The following ZNF536 variants were observed in gnomAD, a reference collection of about 807,000 sequenced individuals.
The protein encoded by ZNF536 is zinc finger protein 536.
Under a neutral mutation model 84.5 loss-of-function variants are expected in ZNF536, and 13 were observed. That is an observed-to-expected ratio of 0.15 (90% CI 0.10 to 0.24). The LOEUF is 0.24. ZNF536 is among the 10% of genes least tolerant of loss of function. The pLI is 1.00. For missense variants in ZNF536, 1,536 were observed against 1,747.5 expected (o/e 0.88, Z 2.16); for synonymous variants, 811 against 742.5 (o/e 1.09, Z -1.50).
intron 1 of ZNF536, among the ~76,000 whole-genome samples, chr19:30,582,375 C>CT (rs35509271): frequency 0.26 from 23,375 of 88,980 alleles, 4,455 homozygotes; most frequent in Non-Finnish European, 0.33. Flanking sequence ...CCTAGTTTCT[C>CT]TTTTTTTTTT....
chr19:30,408,072 T>C (rs566510920), intron 1 of ZNF536, among the ~76,000 whole-genome samples: 28 of 152,272 alleles, frequency 1.8e-4, no homozygotes, highest in Non-Finnish European at 3.8e-4. Context: ...GCATATACTT[T>C]TGGATTGGAG....
chr19:30,435,654 C>T (rs192849111), intron 1 of ZNF536, among the ~76,000 whole-genome samples: 1 of 152,176 alleles, frequency 6.6e-6, no homozygotes, highest in East Asian at 1.9e-4. Flanking sequence ...AATGAGAGGA[C>T]AGTCCATAGT....
intron 2 of ZNF536, among the ~76,000 whole-genome samples, chr19:30,303,844 G>A (rs1039320396): frequency 4.6e-5 from 7 of 152,164 alleles, no homozygotes; most frequent in African/African-American, 2.4e-5. Context: ...CCCCTTGGCA[G>A]CCACTCACCA....
At chr19:30,355,489 G>A (rs1254051203) in intron 3 of ZNF536, among the ~76,000 whole-genome samples, 9 of 152,124 alleles carry the variant, frequency 5.9e-5, no homozygotes. Context: ...CTGGGCTCAT[G>A]CGATCCCCGT....
At chr19:30,704,647 CAAAAAAA>C (rs970475752) in intron 1 of ZNF536, among the ~76,000 whole-genome samples, 7 of 53,460 alleles carry the variant, frequency 1.3e-4, no homozygotes, top group South Asian at 9.0e-4. Flanking sequence ...GAGTCCATCT[CAAAAAAA>C]AAAAAAAAAA....
intron 3 of ZNF536, among the ~76,000 whole-genome samples, chr19:30,357,176 T>A (rs2098128078): frequency 6.6e-6 from 1 of 152,152 alleles, no homozygotes; most frequent in African/African-American, 2.4e-5. Flanking sequence ...GGGTAGTATC[T>A]GTACTTGAGA....
At chr19:30,290,570 C>T (rs1365952276) in intron 2 of ZNF536, among the ~76,000 whole-genome samples, 1 of 152,184 alleles carries the variant, frequency 6.6e-6, no homozygotes, top group Non-Finnish European at 1.5e-5. Flanking sequence ...CTGCACCCGG[C>T]CCCCTATGTT....
chr19:30,516,026 C>CAAAAAAAAAAAAA (rs553504551), intron 2 of ZNF536, among the ~76,000 whole-genome samples: 1 of 75,624 alleles, frequency 1.3e-5, no homozygotes, highest in Non-Finnish European at 2.7e-5. Flanking sequence ...GACTCCATCT[C>CAAAAAAAAAAAAA]AAAAAAAAAA....
intron 1 of ZNF536, among the ~76,000 whole-genome samples, chr19:30,619,896 T>C (rs2048419846): frequency 6.6e-6 from 1 of 152,106 alleles, no homozygotes; most frequent in African/African-American, 2.4e-5. Context: ...CATGAAAGAG[T>C]GATGTGGACT....
chr19:30,433,584 G>A lies in ZNF536; in HGVS notation c.-2-9977G>A, dbSNP rs759782477. ...GCGATCTCGGTTCACCACAACCTCC[G>A]CCTCCTAGGTTCAAGCGATTCTCCT... On this transcript the variant is annotated intron_variant, in intron 1 of 4. Transcript: ENST00000355537. Among the ~76,000 whole-genome samples, 7 of 152,090 alleles carry A rather than the reference G, an allele frequency of 4.6e-5. No homozygotes were observed. The South Asian group carries it at 8.3e-4, about 18-fold the overall frequency.
At chr19:30,710,276 C>G (rs2072425233) in intron 1 of ZNF536, among the ~76,000 whole-genome samples, 1 of 152,146 alleles carries the variant, frequency 6.6e-6, no homozygotes, top group South Asian at 2.1e-4. Flanking sequence ...GGTGTGGTGG[C>G]TTGCACCTGT....
chr19:30,602,836 G>A (rs560073021), intron 1 of ZNF536, among the ~76,000 whole-genome samples: 8 of 152,274 alleles, frequency 5.3e-5, no homozygotes, highest in East Asian at 1.9e-4. Flanking sequence ...GGGAGCAAGC[G>A]GCTGGCTGGG....
chr19:30,563,738 G>T (rs2046256074), intron 1 of ZNF536, among the ~76,000 whole-genome samples: 1 of 152,212 alleles, frequency 6.6e-6, no homozygotes, highest in Admixed American at 6.5e-5. Flanking sequence ...ATGGGACTGG[G>T]GTTTGCCAGG....
intron 2 of ZNF536, among the ~76,000 whole-genome samples, chr19:30,482,416 G>A (rs544048776): frequency 1.3e-5 from 2 of 152,142 alleles, no homozygotes; most frequent in African/African-American, 2.4e-5. Flanking sequence ...GATTTGAGCC[G>A]GTCTGTTTTA....
rs2047189550 is a variant in ZNF536, at chr19:30,589,036, T to C, written c.169+39522T>C. ...AAGGGAGCTGGGGTGTTTCTGAATG[T>C]GCTGGAGAATCCCCAAGAGACCTGA... On this transcript the variant is annotated intron_variant, in intron 1 of 1. Transcript: ENST00000592773. Among the ~76,000 whole-genome samples, 3 of 152,158 alleles carry C rather than the reference T, an allele frequency of 2.0e-5. No homozygotes were observed. In the South Asian group the frequency reaches 6.3e-4, roughly 32 times the overall value.
chr19:30,451,943 T>C (rs1204178996), intron 2 of ZNF536, among the ~76,000 whole-genome samples: 1 of 152,216 alleles, frequency 6.6e-6, no homozygotes, highest in Non-Finnish European at 1.5e-5. Context: ...AATTAAGCGG[T>C]CAATTTTCAA....
chr19:30,615,071 C>T lies in ZNF536; in HGVS notation c.169+65557C>T, dbSNP rs546527778. On this transcript the variant is annotated intron_variant, in intron 1 of 1. Coordinates refer to the ZNF536 transcript ENST00000592773. ...ACGCCATTCTCCTGCCTCAGCCTCC[C>T]GTGTAGCTGGGACTACAGGTGCGCG... 1.1e-4 allele frequency among the ~76,000 whole-genome samples: 16 copies of T among 142,832 alleles called. 1 individual carries two copies. In the South Asian group the frequency reaches 3.1e-3, roughly 28 times the overall value. 93.7% of individuals were successfully genotyped at this position (142,832 alleles called of 152,430 possible).
chr19:30,519,490 GA>G (rs1178348735), intron 2 of ZNF536, among the ~76,000 whole-genome samples: 2 of 152,228 alleles, frequency 1.3e-5, no homozygotes, highest in Admixed American at 6.5e-5. Flanking sequence ...GCTGCAAGAG[GA>G]GGGGGCTGGA....
intron 2 of ZNF536, among the ~76,000 whole-genome samples, chr19:30,496,605 G>A (rs115854784): frequency 8.1e-4 from 124 of 152,232 alleles, no homozygotes; most frequent in African/African-American, 2.6e-3. Flanking sequence ...CATTGCTGTC[G>A]GAATTACATA....
Sources: gnomAD v4.1 joint callset for allele counts (sites outside exome capture counted in the v4.1 genomes callset) on GRCh38, gnomAD v4.1.1 for gene constraint, MANE v1.5 for transcripts, NCBI Gene and HGNC (gene_info 2026-07-23, HGNC 2026-07-21) for gene names.